PAX5: variants seen among roughly 807,000 people sequenced by gnomAD.
PAX5 encodes paired box 5.
In PAX5, 9 loss-of-function variants were observed where a neutral mutation model predicts 43.7. The observed-to-expected ratio is 0.21, with a 90% CI of 0.12 to 0.36. PAX5 has a LOEUF of 0.36. Ranked by LOEUF, PAX5 falls within the 10% of genes least tolerant of loss-of-function variation. PAX5 has a pLI of 1.00. For synonymous variants in PAX5, 228 were observed against 214.3 expected (o/e 1.06, Z -0.56); for missense variants, 383 against 532.7 (o/e 0.72, Z 2.77).
At chr9:36,881,265 A>T (rs1055626439) in intron 8 of PAX5, among the ~76,000 whole-genome samples, 7 of 152,198 alleles carry the variant, frequency 4.6e-5, no homozygotes, top group Admixed American at 2.6e-4. Flanking sequence ...GACAATGCTA[A>T]CTCATAAAAG....
chr9:36,901,198 C>A (rs1200192165), intron 7 of PAX5, among the ~76,000 whole-genome samples: 1 of 152,132 alleles, frequency 6.6e-6, no homozygotes, highest in Non-Finnish European at 1.5e-5. Context: ...AGGTCTGCCC[C>A]CAGGTCTTTG....
intron 7 of PAX5, among the ~76,000 whole-genome samples, chr9:36,883,161 C>A (rs1031713823): frequency 2.0e-5 from 3 of 152,136 alleles, no homozygotes; most frequent in Non-Finnish European, 2.9e-5. Flanking sequence ...GACAGTCTGC[C>A]CCCCTGCCCC....
At chr9:36,988,377 T>C (rs1160875246) in intron 5 of PAX5, among the ~76,000 whole-genome samples, 2 of 151,966 alleles carry the variant, frequency 1.3e-5, no homozygotes, top group Admixed American at 6.6e-5. Context: ...ATAAATAAAA[T>C]GATCATTAAA....
chr9:36,999,838 G>T (rs1837698501), intron 5 of PAX5, among the ~76,000 whole-genome samples: 1 of 152,012 alleles, frequency 6.6e-6, no homozygotes, highest in African/African-American at 2.4e-5. Flanking sequence ...TGGCCTTCAG[G>T]TCTCACTTCT....
Position 36,863,926 on chromosome 9 carries a change from T to C in PAX5, c.1013-16997A>G, listed in dbSNP as rs903444559. On this transcript the variant is annotated intron_variant, in intron 8 of 9. Coordinates refer to ENST00000358127, the MANE Select transcript of PAX5 (RefSeq NM_016734.3). ...GAGCTCAAGACCAGCCTGGCCAACA[T>C]GGTGAAACCCCGTCTCTACTAAAAA... is the stretch of plus-strand genomic sequence containing the variant. Among the ~76,000 whole-genome samples the C allele has an allele frequency of 5.9e-5, 9 of 152,182 alleles. No individual in the cohort carries two copies. In the East Asian group the frequency reaches 9.6e-4, roughly 16 times the overall value.
At chr9:37,031,571 G>A (rs1840987071) in intron 1 of PAX5, among the ~76,000 whole-genome samples, 1 of 152,112 alleles carries the variant, frequency 6.6e-6, no homozygotes, top group South Asian at 2.1e-4. Flanking sequence ...AGAGAGGGGG[G>A]AATCTGTCTC....
intron 6 of PAX5, among the ~76,000 whole-genome samples, chr9:36,937,499 G>A (rs537891418): frequency 2.0e-5 from 3 of 152,332 alleles, no homozygotes; most frequent in South Asian, 4.1e-4. Flanking sequence ...TCCAAAGCCT[G>A]TGTTCTTTAC....
chr9:36,890,825 C>T (rs1216080528), intron 7 of PAX5, among the ~76,000 whole-genome samples: 1 of 152,152 alleles, frequency 6.6e-6, no homozygotes, highest in Non-Finnish European at 1.5e-5. Flanking sequence ...TGGGAGTGGT[C>T]AGTCTGCAAA....
intron 6 of PAX5, among the ~76,000 whole-genome samples, chr9:36,957,364 C>T (rs1227029161): frequency 6.6e-6 from 1 of 152,116 alleles, no homozygotes; most frequent in African/African-American, 2.4e-5. Flanking sequence ...AGTGGTACTG[C>T]GCAACTCAGG....
chr9:36,873,733 C>T (rs1825686795), intron 8 of PAX5, among the ~76,000 whole-genome samples: 1 of 152,256 alleles, frequency 6.6e-6, no homozygotes, highest in Non-Finnish European at 1.5e-5. Flanking sequence ...CAAATCCCCA[C>T]CACCAAGTTC....
At chr9:36,980,738 A>AACAG (rs1835839054) in intron 5 of PAX5, among the ~76,000 whole-genome samples, 1 of 152,146 alleles carries the variant, frequency 6.6e-6, no homozygotes, top group African/African-American at 2.4e-5. Flanking sequence ...GGGAATGGCT[A>AACAG]TCCAGAGAAG....
chr9:36,913,988 G>A (rs906176063), intron 7 of PAX5, among the ~76,000 whole-genome samples: 10 of 152,184 alleles, frequency 6.6e-5, no homozygotes, highest in African/African-American at 2.4e-4. Context: ...CCCCCCAACA[G>A]CTCCTGGGGG....
Position 36,835,889 on chromosome 9 carries a change from T to A in PAX5, c.*4671A>T, listed in dbSNP as rs572006989. On this transcript the variant is annotated 3_prime_UTR_variant, in exon 10 of 10. Transcript: ENST00000358127. Reference sequence around the variant, plus strand: ...GGCCTGGCCGTGGGGCAGGAGTTGGTTTCCACCCTCCCGGGAAGCTGTATC... The same window carrying A: ...GGCCTGGCCGTGGGGCAGGAGTTGGATTCCACCCTCCCGGGAAGCTGTATC... 1.3e-5 allele frequency: 3 copies of A among 233,510 alleles called. No homozygotes were observed. The highest frequency in any genetic ancestry group is 6.6e-5 in the African/African-American group (3 of 45,436). 14.5% of individuals were successfully genotyped at this position (233,510 alleles called of 1,614,324 possible).
intron 8 of PAX5, among the ~76,000 whole-genome samples, chr9:36,878,555 T>C (rs548460583): frequency 1.8e-4 from 28 of 152,252 alleles, no homozygotes; most frequent in Non-Finnish European, 4.0e-4. Flanking sequence ...AAGGAACTGA[T>C]GGGTGAGAGT....
chr9:36,840,495 AG>A lies in PAX5; in HGVS notation c.*64del, dbSNP rs1281374693. The A allele has an allele frequency of 1.1e-5, 16 of 1,475,478 alleles. No homozygotes were observed. The highest frequency in any genetic ancestry group is 1.2e-5 in the Non-Finnish European group (13 of 1,080,458). 91.4% of individuals were successfully genotyped at this position (1,475,478 alleles called of 1,614,324 possible). On this transcript the variant is annotated 3_prime_UTR_variant, in exon 10 of 10. Transcript: ENST00000358127. ...CATGGGCTCTCTGGCTATCTTCAGG[AG>A]GGCTGGGTGGCTGTCACCCTCAATA...
chr9:37,029,883 A>G (rs923328714), intron 1 of PAX5, among the ~76,000 whole-genome samples: 1 of 152,226 alleles, frequency 6.6e-6, no homozygotes, highest in Non-Finnish European at 1.5e-5. Context: ...CCAAAGTCAC[A>G]CAGCAAGTCT....
chr9:36,923,100 C>T, intron 7 of PAX5: 1 of 436,720 alleles, frequency 2.3e-6, no homozygotes. Context: ...TTTCCTGCCC[C>T]CTACCCCAAG....
chr9:36,855,791 C>T (rs1040351185), intron 8 of PAX5, among the ~76,000 whole-genome samples: 1 of 152,234 alleles, frequency 6.6e-6, no homozygotes, highest in Non-Finnish European at 1.5e-5. Context: ...CACACCTACT[C>T]CACGGGGCCG....
chr9:36,857,861 C>T (rs1823825068), intron 8 of PAX5, among the ~76,000 whole-genome samples: 1 of 152,256 alleles, frequency 6.6e-6, no homozygotes, highest in South Asian at 2.1e-4. Flanking sequence ...CCGATAAACC[C>T]AAGGCTCCTG....
Sources: gnomAD v4.1 joint callset for allele counts (sites outside exome capture counted in the v4.1 genomes callset) on GRCh38, gnomAD v4.1.1 for gene constraint, MANE v1.5 for transcripts, NCBI Gene and HGNC (gene_info 2026-07-23, HGNC 2026-07-21) for gene names.